The following ACOX3 variants were observed in gnomAD, a reference collection of about 807,000 sequenced individuals.
ACOX3 encodes peroxisomal acyl-coenzyme A oxidase 3.
ACOX3 carries 73 observed loss-of-function variants against 81.5 expected under a neutral mutation model. The observed-to-expected ratio is 0.90, with a 90% CI of 0.74 to 1.09. ACOX3 has a LOEUF of 1.09. ACOX3 is among the 50% of genes least tolerant of loss of function. The pLI, the probability that ACOX3 is intolerant of heterozygous loss-of-function variation, is 0.00. For synonymous variants in ACOX3, 387 were observed against 375.1 expected (o/e 1.03, Z -0.37); for missense variants, 947 against 928.0 (o/e 1.02, Z -0.27).
intron 1 of ACOX3, among the ~76,000 whole-genome samples, chr4:8,426,411 G>T (rs969459027): frequency 1.7e-4 from 26 of 152,002 alleles, no homozygotes; most frequent in African/African-American, 6.3e-4. Flanking sequence ...AGGAGACAAC[G>T]CTAGCTATTC....
intron 17 of ACOX3, among the ~76,000 whole-genome samples, chr4:8,369,696 C>T (rs1715915277): frequency 6.6e-6 from 1 of 152,248 alleles, no homozygotes; most frequent in Non-Finnish European, 1.5e-5. Flanking sequence ...CCTGGCTAAG[C>T]CGGTAAGGGC....
intron 5 of ACOX3, among the ~76,000 whole-genome samples, chr4:8,413,213 A>G (rs1402297858): frequency 8.3e-6 from 1 of 120,800 alleles, no homozygotes; most frequent in East Asian, 2.6e-4. Flanking sequence ...CATAGTACTG[A>G]CAGCCCCAGG....
At chr4:8,403,131 G>T (rs148940486) in intron 7 of ACOX3, among the ~76,000 whole-genome samples, 1 of 152,182 alleles carries the variant, frequency 6.6e-6, no homozygotes, top group Admixed American at 6.5e-5. Context: ...CACAATTTAC[G>T]TTTACCTTGG....
rs937506278 is a variant in ACOX3, at chr4:8,414,062, C to T, written c.543+230G>A. On this transcript the variant is annotated intron_variant, in intron 5 of 17. Transcript: ENST00000356406. This position sits in a 1 kb window ranked among gnomAD's most constrained non-coding sequence, Gnocchi z 6.1. Reference sequence around the variant, plus strand: ...TCAAATTACACACAAATCCAAACCACGATCAATTCCCCATAAAGTTCATGG... The same window carrying T: ...TCAAATTACACACAAATCCAAACCATGATCAATTCCCCATAAAGTTCATGG... Among the ~76,000 whole-genome samples the T allele has an allele frequency of 4.6e-5, 7 of 152,180 alleles. No homozygotes were observed. The highest frequency in any genetic ancestry group is 3.2e-3 in the Middle Eastern group (1 of 316).
At position 8,384,339 on chromosome 4, in the gene ACOX3, A is replaced by C. The variant is rs976531646; in HGVS notation, c.1538-2732T>G. ...CCCCAAAAAGCACATGAAAGCAAAC[A>C]ATGAAAGGTGGGTGTTGTGTGTGTC... On this transcript the variant is annotated intron_variant, in intron 13 of 17. Coordinates refer to ENST00000356406, the MANE Select transcript of ACOX3 (RefSeq NM_003501.3). The surrounding 1 kb of genome is among the most constrained non-coding windows in gnomAD (Gnocchi z 5.3). Among the ~76,000 whole-genome samples the C allele has an allele frequency of 2.0e-5, 3 of 152,240 alleles. No individual in the cohort carries two copies. The highest frequency in any genetic ancestry group is 7.2e-5 in the African/African-American group (3 of 41,462).
At chr4:8,383,244 T>C (rs1264997265) in intron 13 of ACOX3, among the ~76,000 whole-genome samples, 1 of 152,190 alleles carries the variant, frequency 6.6e-6, no homozygotes, top group Non-Finnish European at 1.5e-5. Context: ...GGGCGGAGGC[T>C]TCCTCCATGC....
At chr4:8,403,605 C>T (rs747239964) in intron 7 of ACOX3, among the ~76,000 whole-genome samples, 9 of 152,124 alleles carry the variant, frequency 5.9e-5, no homozygotes, top group Non-Finnish European at 1.2e-4. Context: ...AAAGGGCGGT[C>T]GTTATTGTGT....
intron 1 of ACOX3, among the ~76,000 whole-genome samples, chr4:8,425,863 C>A (rs563131792): frequency 3.9e-4 from 59 of 152,156 alleles, no homozygotes; most frequent in African/African-American, 1.4e-3. Context: ...AGTAACCCAG[C>A]GAGTATCGCA....
At chr4:8,390,093 A>G (rs1173054380) in intron 11 of ACOX3, among the ~76,000 whole-genome samples, 1 of 120,634 alleles carries the variant, frequency 8.3e-6, no homozygotes, top group East Asian at 2.2e-4. Flanking sequence ...ACAGAGCAAG[A>G]CCCTGTCTCA....
At chr4:8,439,575 T>C (rs371515540) in intron 1 of ACOX3, among the ~76,000 whole-genome samples, 546 of 152,354 alleles carry the variant, frequency 3.6e-3, no homozygotes, top group Middle Eastern at 0.01. Context: ...AAATACTGTG[T>C]TGCTTGCTAG....
At chr4:8,421,734 G>C (rs988210565) in intron 1 of ACOX3, among the ~76,000 whole-genome samples, 12 of 152,206 alleles carry the variant, frequency 7.9e-5, no homozygotes, top group African/African-American at 2.9e-4. Flanking sequence ...AACCCAGGGA[G>C]TCTTGTCCCT....
At chr4:8,413,342 A>G (rs1306891583) in intron 5 of ACOX3, among the ~76,000 whole-genome samples, 11 of 116,004 alleles carry the variant, frequency 9.5e-5, no homozygotes, top group African/African-American at 3.7e-4. Context: ...CGACAGCCCC[A>G]GGGCATCCAT....
intron 15 of ACOX3, chr4:8,373,975 C>A: frequency 2.9e-6 from 1 of 340,716 alleles, no homozygotes; most frequent in Non-Finnish European, 5.5e-6. Context: ...GAGGAAGGGG[C>A]TCCTGGGCAG....
At chr4:8,360,530 G>C in the ACOX3 span, among the ~76,000 whole-genome samples, 1 of 151,336 alleles carries the variant, frequency 6.6e-6, no homozygotes, top group African/African-American at 2.4e-5. Context: ...GGAGGGCAGT[G>C]GTGCGATCTC....
At position 8,435,030 on chromosome 4, in the gene ACOX3, G is replaced by A. The variant is rs1042992912; in HGVS notation, c.-15+5618C>T. 5.3e-5 allele frequency among the ~76,000 whole-genome samples: 8 copies of A among 152,164 alleles called. No homozygotes were observed. The East Asian group carries it at 9.7e-4, about 18-fold the overall frequency. On this transcript the variant is annotated intron_variant, in intron 1 of 17. Coordinates refer to ENST00000356406, the MANE Select transcript of ACOX3 (RefSeq NM_003501.3). ...GTCAAACACAAAGTAAGCCCACTCC[G>A]CTAGAAACTGTGTTAAAAAAAAATT...
intron 7 of ACOX3, among the ~76,000 whole-genome samples, chr4:8,403,437 C>A (rs757767179): frequency 6.6e-6 from 1 of 152,162 alleles, no homozygotes; most frequent in Non-Finnish European, 1.5e-5. Context: ...TGCATCACCC[C>A]GGCTGGCTCC....
rs1723968004 is a variant in ACOX3 at position 8,431,774 on chromosome 4, GAC to G, written c.-15+8872_-15+8873del. Among the ~76,000 whole-genome samples, 1 of 152,134 alleles carries G rather than the reference GAC, an allele frequency of 6.6e-6. No individual in the cohort carries two copies. Among genetic ancestry groups the G allele is most frequent in the East Asian group, 1.9e-4 (1 of 5,194 alleles). On this transcript the variant is annotated intron_variant, in intron 1 of 17. Coordinates refer to ENST00000356406, the MANE Select transcript of ACOX3 (RefSeq NM_003501.3). The surrounding 1 kb of genome is among the most constrained non-coding windows in gnomAD (Gnocchi z 5.3). ...ACCCACCCCCTCTCTTGTTTATCTT[GAC>G]TTCTGTCCCACTTCTGCTCCCTTCG...
Position 8,432,513 on chromosome 4 carries a change from G to T in ACOX3, c.-15+8135C>A, listed in dbSNP as rs566773420. ...CTCCCAATGTGCTGGGATTACAGGC[G>T]TGAGCCACCGCGCCCGGCCTGATTT... On this transcript the variant is annotated intron_variant, in intron 1 of 17. Coordinates refer to ENST00000356406, the MANE Select transcript of ACOX3 (RefSeq NM_003501.3). This position sits in a 1 kb window ranked among gnomAD's most constrained non-coding sequence, Gnocchi z 6.2. Among the ~76,000 whole-genome samples, 15 of 152,120 alleles carry T rather than the reference G, an allele frequency of 9.9e-5. No homozygotes were observed. The highest frequency in any genetic ancestry group is 2.2e-4 in the Non-Finnish European group (15 of 68,020).
At chr4:8,404,652 C>T (rs980008146) in intron 7 of ACOX3, among the ~76,000 whole-genome samples, 4 of 152,176 alleles carry the variant, frequency 2.6e-5, no homozygotes, top group African/African-American at 9.7e-5. Flanking sequence ...GGAGGTTTCT[C>T]CATCGCTGAG....
Sources: gnomAD v4.1 joint callset for allele counts (sites outside exome capture counted in the v4.1 genomes callset) on GRCh38, gnomAD v4.1.1 for gene constraint, Gnocchi (gnomAD v3.1) non-coding constraint, MANE v1.5 for transcripts, NCBI Gene and HGNC (gene_info 2026-07-23, HGNC 2026-07-21) for gene names.